SLC18B1: variants seen among roughly 807,000 people sequenced by gnomAD.
SLC18B1 encodes MFS-type transporter SLC18B1.
In SLC18B1, 62 loss-of-function variants were observed where a neutral mutation model predicts 53.9. The ratio of observed to expected loss-of-function variants is 1.15; its 90% CI spans 0.94 to 1.42. The LOEUF (loss-of-function observed/expected upper bound fraction) is 1.42. SLC18B1 is among the 40% of genes most tolerant of loss of function. The pLI is 0.00. For missense variants in SLC18B1, 598 were observed against 547.3 expected (o/e 1.09, Z -0.93); for synonymous variants, 217 against 200.9 (o/e 1.08, Z -0.68).
chr6:132,793,276 A>C (rs929553869), intron 2 of SLC18B1, among the ~76,000 whole-genome samples: 9 of 152,244 alleles, frequency 5.9e-5, no homozygotes, highest in African/African-American at 2.2e-4. Context: ...AAGAAAAATG[A>C]CAGAACATGC....
At chr6:132,791,965 C>T (rs191468755) in intron 2 of SLC18B1, among the ~76,000 whole-genome samples, 3 of 152,020 alleles carry the variant, frequency 2.0e-5, no homozygotes, top group East Asian at 1.9e-4. Context: ...TGGGGGCTCA[C>T]GCCTGTAATC....
chr6:132,782,360 A>C (rs1781260810), intron 6 of SLC18B1, among the ~76,000 whole-genome samples: 1 of 152,184 alleles, frequency 6.6e-6, no homozygotes, highest in Non-Finnish European at 1.5e-5. Context: ...TAAGTAAATC[A>C]AGCTAATTAA....
At chr6:132,780,337 G>A (rs771854792) in intron 6 of SLC18B1, among the ~76,000 whole-genome samples, 3 of 151,876 alleles carry the variant, frequency 2.0e-5, no homozygotes, top group African/African-American at 7.3e-5. Context: ...GGCCTAAAGC[G>A]ATCCTCCCAC....
intron 6 of SLC18B1, among the ~76,000 whole-genome samples, chr6:132,783,290 C>T (rs1781283081): frequency 6.6e-6 from 1 of 151,986 alleles, no homozygotes; most frequent in Non-Finnish European, 1.5e-5. Context: ...AATTCTCATG[C>T]CTCAGCCTTC....
Position 132,780,392 on chromosome 6 carries a change from A to G in SLC18B1, c.659-988T>C, listed in dbSNP as rs561433675. Among the ~76,000 whole-genome samples, 10 of 152,076 alleles carry G rather than the reference A, an allele frequency of 6.6e-5. No individual in the cohort carries two copies. In the East Asian group the frequency reaches 1.9e-3, roughly 29 times the overall value. On this transcript the variant is annotated intron_variant, in intron 6 of 13. Coordinates refer to ENST00000275227, the MANE Select transcript of SLC18B1 (RefSeq NM_052831.3). ...ATGTGGAAGCTATTTGATGGCCATG[A>G]TGGCCCTCATTCATCCCCATTTCTC...
chr6:132,770,730 C>T (rs1780947734), intron 13 of SLC18B1, among the ~76,000 whole-genome samples, 160 bp downstream of exon 13: 1 of 152,016 alleles, frequency 6.6e-6, no homozygotes, highest in East Asian at 1.9e-4. Flanking sequence ...AGCAAGACAC[C>T]ATCTCAAAAA....
At chr6:132,780,065 C>G (rs1272450864) in intron 6 of SLC18B1, among the ~76,000 whole-genome samples, 6 of 151,746 alleles carry the variant, frequency 4.0e-5, no homozygotes, top group African/African-American at 1.5e-4. Context: ...GGTGGGGATA[C>G]AGCAAAATCA....
At chr6:132,792,175 C>G (rs1382490832) in intron 2 of SLC18B1, among the ~76,000 whole-genome samples, 2 of 148,870 alleles carry the variant, frequency 1.3e-5, no homozygotes, top group East Asian at 2.0e-4. Flanking sequence ...TTGCAGTGAG[C>G]CAAGATTGTG....
chr6:132,784,212 C>T, intron 5 of SLC18B1, 123 bp from the exon 6 acceptor site: 1 of 639,860 alleles, frequency 1.6e-6, no homozygotes, highest in Non-Finnish European at 2.3e-6. Context: ...AAGATGGCCC[C>T]AAAATTTAAA....
At chr6:132,777,399 C>T (rs781282882) in intron 7 of SLC18B1, among the ~76,000 whole-genome samples, 12 of 152,038 alleles carry the variant, frequency 7.9e-5, no homozygotes, top group Non-Finnish European at 1.8e-4. Flanking sequence ...TGAGAAACAA[C>T]AAAAAAGATT....
intron 2 of SLC18B1, 46 bp from the exon 3 acceptor site, chr6:132,790,318 T>C (rs1430674842): frequency 3.6e-6 from 5 of 1,374,092 alleles, no homozygotes; most frequent in African/African-American, 1.5e-5. Context: ...AAAAATTAGA[T>C]CAATATGAAA....
At chr6:132,787,916 C>T (rs774547027) in intron 4 of SLC18B1, among the ~76,000 whole-genome samples, 7 of 152,166 alleles carry the variant, frequency 4.6e-5, no homozygotes, top group Admixed American at 1.3e-4. Flanking sequence ...AATCCCAGCA[C>T]TTTGGGAGGC....
chr6:132,784,117 T>A, intron 5 of SLC18B1, 28 bp from the exon 6 acceptor site: 1 of 1,517,016 alleles, frequency 6.6e-7, no homozygotes. Context: ...AAAAAATCAG[T>A]TTAAATATTT....
intron 1 of SLC18B1, among the ~76,000 whole-genome samples, chr6:132,798,060 G>A (rs28706652): frequency 0.046 from 7,039 of 152,256 alleles, 223 homozygotes; most frequent in Non-Finnish European, 0.057. Flanking sequence ...AATGTTTGTA[G>A]TAGATGAGAA....
intron 2 of SLC18B1, among the ~76,000 whole-genome samples, chr6:132,796,532 GA>G (rs56286125): frequency 0.35 from 27,383 of 77,968 alleles, 3,111 homozygotes; most frequent in Admixed American, 0.46. Context: ...GTCTCGAAAG[GA>G]AAAAAAAAAA....
intron 8 of SLC18B1, among the ~76,000 whole-genome samples, chr6:132,775,110 C>T (rs1398730643): frequency 6.6e-6 from 1 of 152,158 alleles, no homozygotes; most frequent in African/African-American, 2.4e-5. Flanking sequence ...AAGGTGCAGC[C>T]TTCATGAATA....
intron 6 of SLC18B1, among the ~76,000 whole-genome samples, chr6:132,783,147 A>T (rs1452439680): frequency 6.9e-6 from 1 of 145,516 alleles, no homozygotes; most frequent in South Asian, 2.1e-4. Context: ...TAATATTATC[A>T]ATCCTAGAGA....
At position 132,779,307 on chromosome 6, in the gene SLC18B1, G is replaced by C. The variant is rs1367229881; in HGVS notation, c.756C>G (p.Gly252=). Residue 252 remains glycine, a synonymous_variant, in exon 7 of 14, where the codon GGC becomes GGG. Transcript: ENST00000275227. ...AGAGAGACAGAGTAGGATCGAGGAAGCCAAAACACGAGCTGAGTGAGTTGA... is the reference window on the plus strand; with the variant it reads ...AGAGAGACAGAGTAGGATCGAGGAACCCAAAACACGAGCTGAGTGAGTTGA... ...FVINSLSSCF[G]FLDPTLSLFV... 6.2e-7 allele frequency: 1 copy of C among 1,614,050 alleles called. No individual in the cohort carries two copies. Among genetic ancestry groups the C allele is most frequent in the Non-Finnish European group, 8.5e-7 (1 of 1,179,974 alleles).
intron 7 of SLC18B1, among the ~76,000 whole-genome samples, chr6:132,777,879 T>C (rs1005088191): frequency 4.6e-5 from 7 of 152,202 alleles, no homozygotes; most frequent in Non-Finnish European, 8.8e-5. Flanking sequence ...AGTATAATCA[T>C]AAAACATTTT....
Sources: gnomAD v4.1 joint callset for allele counts (sites outside exome capture counted in the v4.1 genomes callset) on GRCh38, gnomAD v4.1.1 for gene constraint, MANE v1.5 for transcripts, NCBI Gene and HGNC (gene_info 2026-07-23, HGNC 2026-07-21) for gene names.